The following SLC16A7 variants were observed in gnomAD, a reference collection of about 807,000 sequenced individuals.
SLC16A7 encodes monocarboxylate transporter 2.
Under a neutral mutation model 34.9 loss-of-function variants are expected in SLC16A7, and 33 were observed. The observed-to-expected ratio is 0.94, with a 90% CI of 0.72 to 1.26. The LOEUF is 1.26. Ranked by LOEUF, SLC16A7 falls within the 50% of genes most tolerant of loss-of-function variation. The pLI is 0.00. For missense variants in SLC16A7, 573 were observed against 578.1 expected, an observed-to-expected ratio of 0.99 and a Z score of 0.09; for synonymous variants, 201 against 206.6, an observed-to-expected ratio of 0.97 and a Z score of 0.23.
chr12:59,655,635 T>C (rs1025344181), intron 2 of SLC16A7, among the ~76,000 whole-genome samples: 5 of 151,900 alleles, frequency 3.3e-5, no homozygotes, highest in African/African-American at 1.2e-4. Context: ...AGGTATATAC[T>C]TTTAGTTATT....
At chr12:59,636,545 A>G (rs553637379) in intron 1 of SLC16A7, among the ~76,000 whole-genome samples, 4 of 152,060 alleles carry the variant, frequency 2.6e-5, no homozygotes, top group African/African-American at 4.8e-5. Flanking sequence ...GCTCACTGCA[A>G]CCTTGACTAT....
rs1314553609 is a variant in SLC16A7, at chr12:59,783,489, A to G, written c.*3810A>G. On this transcript the variant is annotated 3_prime_UTR_variant, in exon 6 of 6. Transcript: ENST00000547379. ...GTGTTCACTACCGTGCTGCCTCCCAATAGAGGCCAGAGAAGCAAAGGAAGA... is the reference window on the plus strand; with the variant it reads ...GTGTTCACTACCGTGCTGCCTCCCAGTAGAGGCCAGAGAAGCAAAGGAAGA... The G allele has an allele frequency of 1.3e-5, 2 of 152,130 alleles. No homozygotes were observed. Among genetic ancestry groups the G allele is most frequent in the Non-Finnish European group, 1.5e-5 (1 of 68,012 alleles). 9.4% of individuals were successfully genotyped at this position (152,130 alleles called of 1,614,324 possible). A position where few individuals can be genotyped will look rare whatever the true frequency, so the allele number is the denominator to read the frequency against.
chr12:59,775,407 T>G lies in SLC16A7; in HGVS notation c.1112T>G (p.Phe371Cys), dbSNP rs1882662442. ...ATGGACCTCGTGGGTGCACCAAGAT[T>G]TTCCAGTGCCGTCGGACTTGTCACA... ...TLMDLVGAPRFSSAVGLVTIV... is the reference protein window; with the variant it reads ...TLMDLVGAPRCSSAVGLVTIV... The change falls in exon 5 of 6, where the codon TTT becomes TGT. Residue 371 changes from phenylalanine (F) to cysteine (C), a missense_variant. Coordinates refer to ENST00000547379, the MANE Select transcript of SLC16A7 (RefSeq NM_001270623.2). The G allele has an allele frequency of 2.5e-6, 4 of 1,614,100 alleles. No homozygotes were observed. In the East Asian group the frequency reaches 8.9e-5, roughly 36 times the overall value.
chr12:59,748,957 AT>A (rs1879198631), intron 3 of SLC16A7, among the ~76,000 whole-genome samples: 1 of 152,222 alleles, frequency 6.6e-6, no homozygotes, highest in Non-Finnish European at 1.5e-5. Context: ...GCTTTAAAAA[AT>A]GTCACGATAA....
chr12:59,659,767 G>A (rs1592445422), intron 2 of SLC16A7, among the ~76,000 whole-genome samples: 1 of 152,182 alleles, frequency 6.6e-6, no homozygotes, highest in East Asian at 1.9e-4. Context: ...GTGTAGACCA[G>A]ATCAGAATCT....
intron 2 of SLC16A7, among the ~76,000 whole-genome samples, chr12:59,687,390 C>A (rs959563795): frequency 2.6e-5 from 4 of 152,058 alleles, no homozygotes; most frequent in African/African-American, 9.7e-5. Context: ...AACCTCTTTT[C>A]CCAGAGCCCC....
intron 4 of SLC16A7, among the ~76,000 whole-genome samples, chr12:59,773,240 A>AT (rs1438669331): frequency 4.6e-5 from 7 of 152,092 alleles, no homozygotes; most frequent in African/African-American, 1.7e-4. Context: ...CATTCTGCAT[A>AT]TCTCACAGGT....
chr12:59,707,102 A>C (rs960911958), intron 3 of SLC16A7, among the ~76,000 whole-genome samples: 3 of 152,144 alleles, frequency 2.0e-5, no homozygotes, highest in African/African-American at 7.2e-5. Context: ...TAGTAAAGGC[A>C]GACAGCATGG....
chr12:59,638,291 G>A (rs1217235410), intron 1 of SLC16A7, among the ~76,000 whole-genome samples: 3 of 152,144 alleles, frequency 2.0e-5, no homozygotes, highest in Non-Finnish European at 4.4e-5. Flanking sequence ...CTTCAAGAAA[G>A]AAGGGACAGG....
At chr12:59,619,759 G>T (rs1174691138) in intron 1 of SLC16A7, among the ~76,000 whole-genome samples, 1 of 151,876 alleles carries the variant, frequency 6.6e-6, no homozygotes, top group Non-Finnish European at 1.5e-5. Flanking sequence ...AAATTGCTAG[G>T]CAAGGAGAAG....
chr12:59,701,307 A>G (rs1872848634), intron 2 of SLC16A7, among the ~76,000 whole-genome samples: 1 of 151,790 alleles, frequency 6.6e-6, no homozygotes, highest in South Asian at 2.1e-4. Context: ...TTATTACTTT[A>G]CTAAGTGTTA....
At chr12:59,651,093 T>C (rs1032905919) in intron 1 of SLC16A7, among the ~76,000 whole-genome samples, 1 of 152,194 alleles carries the variant, frequency 6.6e-6, no homozygotes, top group African/African-American at 2.4e-5. Flanking sequence ...ACAAGCTCGG[T>C]ACAATTTGCC....
At chr12:59,615,386 A>G (rs1027694271) in intron 1 of SLC16A7, among the ~76,000 whole-genome samples, 1 of 152,094 alleles carries the variant, frequency 6.6e-6, no homozygotes, top group Non-Finnish European at 1.5e-5. Context: ...TCGTTCACCA[A>G]TTTTTCAGTA....
chr12:59,732,416 G>A (rs1001263977), intron 3 of SLC16A7, among the ~76,000 whole-genome samples: 24 of 152,088 alleles, frequency 1.6e-4, no homozygotes, highest in African/African-American at 5.3e-4. Context: ...GCAAAACTCC[G>A]TCTCAAGGGG....
intron 3 of SLC16A7, among the ~76,000 whole-genome samples, chr12:59,721,987 CATAA>C (rs1875655986): frequency 6.6e-6 from 1 of 151,830 alleles, no homozygotes; most frequent in African/African-American, 2.4e-5. Flanking sequence ...ATACTTGCTC[CATAA>C]ATGACCTTGC....
intron 3 of SLC16A7, among the ~76,000 whole-genome samples, chr12:59,721,846 A>G (rs1475684225): frequency 1.3e-5 from 2 of 152,102 alleles, no homozygotes; most frequent in East Asian, 3.9e-4. Flanking sequence ...GATTTTACTT[A>G]TAAAATATTA....
intron 1 of SLC16A7, among the ~76,000 whole-genome samples, chr12:59,646,207 A>G (rs754455940): frequency 6.6e-6 from 1 of 152,200 alleles, no homozygotes; most frequent in Non-Finnish European, 1.5e-5. Context: ...AGGGCATGTC[A>G]GAGACCGTCA....
chr12:59,632,951 T>C (rs1168262287), intron 1 of SLC16A7, among the ~76,000 whole-genome samples: 1 of 151,844 alleles, frequency 6.6e-6, no homozygotes, highest in Non-Finnish European at 1.5e-5. Flanking sequence ...TTAGGGAGAA[T>C]TGAGGATTGT....
At chr12:59,644,547 T>G (rs1368974921) in intron 1 of SLC16A7, among the ~76,000 whole-genome samples, 1 of 152,046 alleles carries the variant, frequency 6.6e-6, no homozygotes, top group East Asian at 1.9e-4. Context: ...GGCAACAGAG[T>G]GAGACTCTTT....
Sources: allele counts gnomAD v4.1 joint callset (sites outside exome capture counted in the v4.1 genomes callset), GRCh38; gene constraint gnomAD v4.1.1; transcripts MANE v1.5; gene names NCBI Gene and HGNC (gene_info 2026-07-23, HGNC 2026-07-21).